The following KCNQ1OT1 variants were observed in gnomAD, a reference collection of about 807,000 sequenced individuals.
The protein encoded by KCNQ1OT1 is KCNQ1 opposite strand/antisense transcript 1.
exon 1 of KCNQ1OT1, chr11:2,634,182 T>TA: frequency 7.5e-6 from 3 of 397,596 alleles, no homozygotes; most frequent in Non-Finnish European, 1.3e-5. Context: ...CCCTTTTTTT[T>TA]ATTATACTTT....
chr11:2,636,537 A>G (rs994410324), exon 1 of KCNQ1OT1: 5 of 152,156 alleles, frequency 3.3e-5, no homozygotes, highest in African/African-American at 1.2e-4. Context: ...GATGAAGCCC[A>G]CTTGATCATG....
At chr11:2,675,879 C>T (rs1038776623) in exon 1 of KCNQ1OT1, 15 of 398,570 alleles carry the variant, frequency 3.8e-5, no homozygotes, top group African/African-American at 1.6e-4. Flanking sequence ...GGGAGCCAAT[C>T]GTGCTTTATG....
chr11:2,673,650 A>T lies in KCNQ1OT1; in HGVS notation n.26345T>A, dbSNP rs1190152770. On this transcript the variant is annotated non_coding_transcript_exon_variant, in exon 1 of 1. Coordinates refer to ENST00000597346, the Ensembl canonical transcript of KCNQ1OT1. The surrounding 1 kb of genome is among the most constrained non-coding windows in gnomAD (Gnocchi z 4.5). Reference sequence around the variant, plus strand: ...CTACTGCTGATGACCACCCTGACTCATGTCCCTTGTCTGCATAGGTGTTTT... The same window carrying T: ...CTACTGCTGATGACCACCCTGACTCTTGTCCCTTGTCTGCATAGGTGTTTT... The T allele has an allele frequency of 2.5e-6, 1 of 398,578 alleles. No individual in the cohort carries two copies. Among genetic ancestry groups the T allele is most frequent in the Non-Finnish European group, 4.4e-6 (1 of 226,154 alleles). The allele number at this position is 398,578 out of a possible 1,614,324, so 24.7% of individuals were successfully genotyped here. A position where few individuals can be genotyped will look rare whatever the true frequency, so the allele number is the denominator to read the frequency against.
At position 2,671,984 on chromosome 11, in the gene KCNQ1OT1, C is replaced by G. The variant is rs1850191514; in HGVS notation, n.28011G>C. 5.0e-6 allele frequency: 2 copies of G among 398,596 alleles called. No homozygotes were observed. Among genetic ancestry groups the G allele is most frequent in the Non-Finnish European group, 8.8e-6 (2 of 226,086 alleles). The allele number at this position is 398,596 out of a possible 1,614,324, so 24.7% of individuals were successfully genotyped here. On this transcript the variant is annotated non_coding_transcript_exon_variant, in exon 1 of 1. Transcript: ENST00000597346. The surrounding 1 kb of genome is among the most constrained non-coding windows in gnomAD (Gnocchi z 4.7). ...TGGGCTAAAAAGTCAGCTAGCACCC[C>G]TGACTTCAAGTCCTCGAGTGTATGT...
chr11:2,656,965 A>G, exon 1 of KCNQ1OT1: 1 of 398,618 alleles, frequency 2.5e-6, no homozygotes, highest in Admixed American at 4.4e-5. Flanking sequence ...GCTCCTGAAC[A>G]TTTGATTGAA....
In KCNQ1OT1 at chr11:2,620,950, T is replaced by TTTG. The variant is rs769697099; in HGVS notation, n.79044_79045insCAA. On this transcript the variant is annotated non_coding_transcript_exon_variant, in exon 1 of 1. Transcript: ENST00000597346. This position sits in a 1 kb window ranked among gnomAD's most constrained non-coding sequence, Gnocchi z 4.5. Reference sequence around the variant, plus strand: ...TTTTGTTGTTGTTGTTTTGTTTTGTTTTTTTTTGTCTGTTTTTTGCTTTTT... The same window carrying TTTG: ...TTTTGTTGTTGTTGTTTTGTTTTGTTTTGTTTTTTTGTCTGTTTTTTGCTTTTT... 988 of 394,214 alleles carry TTTG rather than the reference T, an allele frequency of 2.5e-3. 5 individuals are homozygous for TTTG. The highest frequency in any genetic ancestry group is 0.011 in the Middle Eastern group (18 of 1,580). 24.4% of individuals were successfully genotyped at this position (394,214 alleles called of 1,614,324 possible).
chr11:2,648,067 A>T (rs1202173963), exon 1 of KCNQ1OT1: 8 of 396,338 alleles, frequency 2.0e-5, no homozygotes, highest in African/African-American at 1.4e-4. Flanking sequence ...AAAAAAAAAA[A>T]ATTAGCGAGG....
Position 2,669,063 on chromosome 11 carries a change from A to G in KCNQ1OT1, n.30932T>C, listed in dbSNP as rs151212. The G allele has an allele frequency of 1.0e-5, 4 of 398,336 alleles. No homozygotes were observed. The highest frequency in any genetic ancestry group is 8.2e-5 in the African/African-American group (4 of 48,560). The allele number at this position is 398,336 out of a possible 1,614,324, so 24.7% of individuals were successfully genotyped here. A position where few individuals can be genotyped will look rare whatever the true frequency, so the allele number is the denominator to read the frequency against. ...GGCATGGGAAGGCCCGTCCTCTCCC[A>G]ACTACCCTGCCGTATCAGTGTCTTT... On this transcript the variant is annotated non_coding_transcript_exon_variant, in exon 1 of 1. Transcript: ENST00000597346. This position sits in a 1 kb window ranked among gnomAD's most constrained non-coding sequence, Gnocchi z 5.6.
exon 1 of KCNQ1OT1, chr11:2,618,936 A>G (rs1849117386): frequency 5.0e-6 from 2 of 398,202 alleles, no homozygotes; most frequent in South Asian, 1.3e-4. Flanking sequence ...TTTTGATGCT[A>G]TCATAAATGG....
exon 1 of KCNQ1OT1, chr11:2,618,060 T>C: frequency 2.5e-6 from 1 of 398,594 alleles, no homozygotes; most frequent in Non-Finnish European, 4.4e-6. Context: ...TTATTTGTTT[T>C]TGTAGCCTGA....
rs939504560 is a variant in KCNQ1OT1 at position 2,674,275 on chromosome 11, C to G, written n.25720G>C. On this transcript the variant is annotated non_coding_transcript_exon_variant, in exon 1 of 1. Transcript: ENST00000597346. The surrounding 1 kb of genome is among the most constrained non-coding windows in gnomAD (Gnocchi z 5.9). Reference sequence around the variant, plus strand: ...CCTCTCTCCCAGCCCCCGGCACACACACTAGGACCTTTCTTCATCATGCAG... The same window carrying G: ...CCTCTCTCCCAGCCCCCGGCACACAGACTAGGACCTTTCTTCATCATGCAG... 1 of 398,566 alleles carries G rather than the reference C, an allele frequency of 2.5e-6. No individual in the cohort carries two copies. The highest frequency in any genetic ancestry group is 3.6e-5 in the East Asian group (1 of 28,080). The allele number at this position is 398,566 out of a possible 1,614,324, so 24.7% of individuals were successfully genotyped here. A position where few individuals can be genotyped will look rare whatever the true frequency, so the allele number is the denominator to read the frequency against.
rs1848926535 is a variant in KCNQ1OT1, at chr11:2,608,820, A to G, written n.91175T>C. On this transcript the variant is annotated non_coding_transcript_exon_variant, in exon 1 of 1. Coordinates refer to ENST00000597346, the Ensembl canonical transcript of KCNQ1OT1. This position sits in a 1 kb window ranked among gnomAD's most constrained non-coding sequence, Gnocchi z 4.6. ...TTTTGCTTTAATTTGTAAAACTGTC[A>G]TTCATTTCTGATTTTAGTAATTTGA... The G allele has an allele frequency of 2.5e-6, 1 of 398,414 alleles. No individual in the cohort carries two copies. The highest frequency in any genetic ancestry group is 3.6e-5 in the East Asian group (1 of 28,068). 24.7% of individuals were successfully genotyped at this position (398,414 alleles called of 1,614,324 possible).
exon 1 of KCNQ1OT1, chr11:2,633,564 A>C (rs1849399488): frequency 2.5e-6 from 1 of 398,424 alleles, no homozygotes; most frequent in Non-Finnish European, 4.4e-6. Flanking sequence ...GAGATAGTAT[A>C]GTTTCATTCT....
rs1006126974 is a variant in KCNQ1OT1, at chr11:2,690,411, C to A, written n.9584G>T. ...ACCAAAAGAGCTATCTCTCTCCCTG[C>A]GAAAGGCTGGGGTCCTGGGAGCTAG... On this transcript the variant is annotated non_coding_transcript_exon_variant, in exon 1 of 1. Transcript: ENST00000597346. The surrounding 1 kb of genome is among the most constrained non-coding windows in gnomAD (Gnocchi z 5.1). The A allele has an allele frequency of 5.0e-6, 2 of 398,660 alleles. No individual in the cohort carries two copies. The highest frequency in any genetic ancestry group is 3.6e-5 in the East Asian group (1 of 28,076). The allele number at this position is 398,660 out of a possible 1,614,324, so 24.7% of individuals were successfully genotyped here.
chr11:2,661,849 C>A lies in KCNQ1OT1; in HGVS notation n.38146G>T. The A allele has an allele frequency of 7.4e-7, 1 of 1,358,312 alleles. No individual in the cohort carries two copies. Among genetic ancestry groups the A allele is most frequent in the Non-Finnish European group, 1.0e-6 (1 of 953,214 alleles). The allele number at this position is 1,358,312 out of a possible 1,614,324, so 84.1% of individuals were successfully genotyped here. On this transcript the variant is annotated non_coding_transcript_exon_variant, in exon 1 of 1. Transcript: ENST00000597346. The surrounding 1 kb of genome is among the most constrained non-coding windows in gnomAD (Gnocchi z 5.9). ...AAACTGATTGTCAGGGCTGGAGCTTCCAGGCACAAGCTCCACTCCTCACCT... is the reference window on the plus strand; with the variant it reads ...AAACTGATTGTCAGGGCTGGAGCTTACAGGCACAAGCTCCACTCCTCACCT...
chr11:2,644,378 A>G (rs1849633322), exon 1 of KCNQ1OT1: 3 of 398,120 alleles, frequency 7.5e-6, no homozygotes, highest in South Asian at 1.3e-4. Flanking sequence ...GCTTTCAAAT[A>G]TGTTTTTTAT....
chr11:2,635,278 T>A (rs1252784808), exon 1 of KCNQ1OT1: 2 of 152,320 alleles, frequency 1.3e-5, no homozygotes, highest in African/African-American at 2.4e-5. Context: ...CTGAATGGTA[T>A]TGCCTAGGTT....
chr11:2,662,952 C>T, exon 1 of KCNQ1OT1: 1 of 398,708 alleles, frequency 2.5e-6, no homozygotes, highest in Non-Finnish European at 4.4e-6. Context: ...TAGTGAGGCC[C>T]TGGGCCTCCT....
chr11:2,644,177 T>A (rs1849627295), exon 1 of KCNQ1OT1: 1 of 398,464 alleles, frequency 2.5e-6, no homozygotes, highest in African/African-American at 2.1e-5. Flanking sequence ...TTTCATTAAA[T>A]AGGTTTTATA....
Sources: allele counts gnomAD v4.1 joint callset, GRCh38; gene constraint gnomAD v4.1.1; non-coding constraint Gnocchi (gnomAD v3.1); transcripts MANE v1.5; gene names NCBI Gene and HGNC (gene_info 2026-07-23, HGNC 2026-07-21).